ZRANB1: variants seen among roughly 807,000 people sequenced by gnomAD.
The protein encoded by ZRANB1 is zinc finger RANBP2-type containing 1, also known as ubiquitin thioesterase ZRANB1.
Under a neutral mutation model 80.5 loss-of-function variants are expected in ZRANB1, and 16 were observed. The observed-to-expected ratio is 0.20, with a 90% CI of 0.13 to 0.30. ZRANB1 has a LOEUF of 0.30. Among genes scored for constraint, ZRANB1 ranks in the 10% least tolerant of loss-of-function variants. ZRANB1 has a pLI of 1.00. For missense variants in ZRANB1, 576 were observed against 862.6 expected, an observed-to-expected ratio of 0.67 and a Z score of 4.16; for synonymous variants, 291 against 293.1, an observed-to-expected ratio of 0.99 and a Z score of 0.07.
rs760813299 is a variant in ZRANB1 at position 124,963,554 on chromosome 10, G to GTTTTTTTTTTTTTTTTTTTTTTTTTTGTT, written c.815-3017_815-3016insTTTGTTTTTTTTTTTTTTTTTTTTTTTTT. Among the ~76,000 whole-genome samples, 3 of 57,510 alleles carry GTTTTTTTTTTTTTTTTTTTTTTTTTTGTT rather than the reference G, an allele frequency of 5.2e-5. 1 individual carries two copies. Among genetic ancestry groups the GTTTTTTTTTTTTTTTTTTTTTTTTTTGTT allele is most frequent in the Non-Finnish European group, 9.7e-5 (3 of 30,850 alleles). 37.7% of individuals were successfully genotyped at this position (57,510 alleles called of 152,430 possible). Reference sequence around the variant, plus strand: ...ATTGTAAGGTTTTTTTTTTTTGTTTGTTTTTTTTTTTTTTTTTTTTTTTGG... The same window carrying GTTTTTTTTTTTTTTTTTTTTTTTTTTGTT: ...ATTGTAAGGTTTTTTTTTTTTGTTTGTTTTTTTTTTTTTTTTTTTTTTTTTTGTTTTTTTTTTTTTTTTTTTTTTTTTGG... On this transcript the variant is annotated intron_variant, in intron 1 of 8. Transcript: ENST00000359653.
chr10:124,984,951 C>G lies in ZRANB1; in HGVS notation c.2086C>G (p.Leu696Val). 2 of 1,613,682 alleles carry G rather than the reference C, an allele frequency of 1.2e-6. No homozygotes were observed. The highest frequency in any genetic ancestry group is 1.7e-6 in the Non-Finnish European group (2 of 1,179,938). ...RYRQIRPCTS[L>V]SDGEEDEDDE... is the part of the protein sequence containing the mutation. ...CCGACAGATCCGGCCGTGTACATCC[C>G]TGTCTGATGGAGAGGAAGATGAGGA... Residue 696 changes from leucine to valine, a missense_variant, in exon 9 of 9, where the codon CTG (leucine) becomes GTG (valine). Physicochemically the swap from Leu to Val is conservative, Grantham distance 32. Transcript: ENST00000359653.
chr10:124,944,484 T>TGGGGGG (rs1951562587), intron 1 of ZRANB1, among the ~76,000 whole-genome samples: 1 of 60,910 alleles, frequency 1.6e-5, no homozygotes, highest in African/African-American at 5.6e-5. Flanking sequence ...TATATATCAT[T>TGGGGGG]CCCCCCCCCC....
the ZRANB1 span, among the ~76,000 whole-genome samples, chr10:124,917,892 C>T: frequency 6.6e-6 from 1 of 152,220 alleles, no homozygotes; most frequent in South Asian, 2.1e-4. Flanking sequence ...TGGTTTGGTG[C>T]GGGTCATTTC....
chr10:124,921,478 G>GGT, the ZRANB1 span, among the ~76,000 whole-genome samples: 5 of 152,096 alleles, frequency 3.3e-5, no homozygotes, highest in East Asian at 7.7e-4. Flanking sequence ...TTGGAAAATA[G>GGT]GTGTGTGTGT....
In ZRANB1 at chr10:124,966,453, C is replaced by T. The variant is rs142602403; in HGVS notation, c.815-141C>T. On this transcript the variant is annotated intron_variant, in intron 1 of 8. Transcript: ENST00000359653. ...GAAAGGAAAAAACTTATTTTCCTTA[C>T]TCTTATAGGACATTTAAATGATGCA... 3.1e-4 allele frequency: 248 copies of T among 809,930 alleles called. 1 individual carries two copies. The highest frequency in any genetic ancestry group is 2.9e-3 in the Middle Eastern group (9 of 3,122). 50.2% of individuals were successfully genotyped at this position (809,930 alleles called of 1,614,324 possible).
the ZRANB1 span, among the ~76,000 whole-genome samples, chr10:124,921,811 G>A: frequency 2.6e-5 from 4 of 151,518 alleles, no homozygotes; most frequent in Non-Finnish European, 5.9e-5. Flanking sequence ...TGAAAAATCT[G>A]GATCCGTAAG....
chr10:124,927,765 G>A, the ZRANB1 span, among the ~76,000 whole-genome samples: 9 of 152,154 alleles, frequency 5.9e-5, no homozygotes, highest in South Asian at 2.1e-4. Context: ...GGCCTGGCGC[G>A]GTGGGTCATT....
intron 3 of ZRANB1, among the ~76,000 whole-genome samples, chr10:124,973,046 A>G (rs942733107): frequency 2.6e-5 from 4 of 152,230 alleles, no homozygotes; most frequent in African/African-American, 4.8e-5. Context: ...TACAAATTGT[A>G]GGAGATAGTA....
At chr10:124,929,125 G>T in the ZRANB1 span, among the ~76,000 whole-genome samples, 1 of 152,182 alleles carries the variant, frequency 6.6e-6, no homozygotes, top group South Asian at 2.1e-4. Context: ...TATAGCAGGG[G>T]AGTCTGGAAT....
At chr10:124,940,472 T>C (rs1306512602), upstream of ZRANB1, 1 of 1,283,718 alleles carries the variant, frequency 7.8e-7, no homozygotes, top group East Asian at 5.6e-5. Flanking sequence ...ATCTTGTCTT[T>C]GATCTGATTT....
chr10:124,937,427 C>A (rs1447388132), upstream of ZRANB1, among the ~76,000 whole-genome samples: 3 of 151,698 alleles, frequency 2.0e-5, no homozygotes, highest in Admixed American at 2.0e-4. Context: ...CTCAAGTGAT[C>A]CACCCGCCTC....
chr10:124,923,699 A>G, the ZRANB1 span, among the ~76,000 whole-genome samples: 1 of 151,908 alleles, frequency 6.6e-6, no homozygotes, highest in African/African-American at 2.4e-5. Flanking sequence ...GAAAAAAAGC[A>G]CCTTCACAAG....
chr10:124,979,441 C>T (rs866616744), intron 5 of ZRANB1, among the ~76,000 whole-genome samples: 1 of 152,136 alleles, frequency 6.6e-6, no homozygotes, highest in South Asian at 2.1e-4. Context: ...ATCTGCTTTG[C>T]AGATATTTTT....
intron 1 of ZRANB1, among the ~76,000 whole-genome samples, chr10:124,950,239 C>T (rs1347031978): frequency 2.0e-5 from 3 of 152,108 alleles, no homozygotes; most frequent in Non-Finnish European, 4.4e-5. Context: ...ATTCTCCTAC[C>T]TCAGCCACCC....
At chr10:124,982,534 G>A (rs187645667) in intron 6 of ZRANB1, among the ~76,000 whole-genome samples, 3 of 152,264 alleles carry the variant, frequency 2.0e-5, no homozygotes, top group East Asian at 3.9e-4. Flanking sequence ...ATTTTGTGAA[G>A]CACTTCAGTA....
chr10:124,939,608 A>G (rs115273835), upstream of ZRANB1, among the ~76,000 whole-genome samples: 386 of 152,346 alleles, frequency 2.5e-3, 5 homozygotes, highest in African/African-American at 9.0e-3. Context: ...ACATAGTAAG[A>G]CTTATCAAAA....
the ZRANB1 span, among the ~76,000 whole-genome samples, chr10:124,928,511 A>T: frequency 6.6e-6 from 1 of 152,246 alleles, no homozygotes; most frequent in East Asian, 1.9e-4. Flanking sequence ...TTGTTTTTAT[A>T]GAAATTATTT....
chr10:124,929,094 A>T, the ZRANB1 span, among the ~76,000 whole-genome samples: 4 of 152,170 alleles, frequency 2.6e-5, no homozygotes, highest in Non-Finnish European at 5.9e-5. Flanking sequence ...AGTGACAAAT[A>T]ATGGTGGCTT....
At chr10:124,947,819 A>G (rs1951597516) in intron 1 of ZRANB1, among the ~76,000 whole-genome samples, 1 of 152,080 alleles carries the variant, frequency 6.6e-6, no homozygotes, top group South Asian at 2.1e-4. Flanking sequence ...CTGTACTCTG[A>G]CCACTTCTCA....
Sources: allele counts gnomAD v4.1 joint callset (sites outside exome capture counted in the v4.1 genomes callset), GRCh38; gene constraint gnomAD v4.1.1; transcripts MANE v1.5; gene names NCBI Gene and HGNC (gene_info 2026-07-23, HGNC 2026-07-21).